The following SMAD9 variants were observed in gnomAD, a reference collection of about 807,000 sequenced individuals.
The protein encoded by SMAD9 is SMAD family member 9.
Under a neutral mutation model 46.1 loss-of-function variants are expected in SMAD9, and 36 were observed. The observed-to-expected ratio is 0.78, with a 90% CI of 0.60 to 1.03. The LOEUF (loss-of-function observed/expected upper bound fraction) is 1.03. Among genes scored for constraint, SMAD9 ranks in the 50% least tolerant of loss-of-function variants. The pLI, the probability that SMAD9 is intolerant of heterozygous loss-of-function variation, is 0.00. For synonymous variants in SMAD9, 245 were observed against 237.1 expected (o/e 1.03, Z -0.31); for missense variants, 572 against 599.8 (o/e 0.95, Z 0.48).
At chr13:36,875,540 CT>C in intron 2 of SMAD9, among the ~76,000 whole-genome samples, 1 of 152,200 alleles carries the variant, frequency 6.6e-6, no homozygotes, top group East Asian at 1.9e-4. Context: ...TTAAATTCCC[CT>C]TAATGTATTC....
rs77266399 is a variant in SMAD9, at chr13:36,895,129, C to T, written c.-186-15254G>A. Among the ~76,000 whole-genome samples the T allele has an allele frequency of 1.5e-3, 225 of 152,270 alleles. 5 individuals carry two copies. The East Asian group carries it at 0.037, about 25-fold the overall frequency. On this transcript the variant is annotated intron_variant, in intron 1 of 6. Transcript: ENST00000379826. ...TCCACCACTCCATCAACCCTAAATC[C>T]TCAAATCTACATCTTCCTCAGTGTT...
At chr13:36,851,086 C>T (rs759969452) in intron 6 of SMAD9, among the ~76,000 whole-genome samples, 6 of 152,132 alleles carry the variant, frequency 3.9e-5, no homozygotes, top group Admixed American at 2.6e-4. Flanking sequence ...GCAGGCAGGG[C>T]GATCCTTTAA....
At position 36,853,439 on chromosome 13, in the gene SMAD9, T is replaced by G. The variant is rs764511955; in HGVS notation, c.1240A>C (p.Ile414Leu). 6.2e-7 allele frequency: 1 copy of G among 1,613,864 alleles called. No homozygotes were observed. The highest frequency in any genetic ancestry group is 1.1e-5 in the South Asian group (1 of 91,074). Reference sequence around the variant, plus strand: ...CTTACCTTAACAAAACTCATCCGGATAGTACACATCTTGGTCAGTTCATAC... The same window carrying G: ...CTTACCTTAACAAAACTCATCCGGAGAGTACACATCTTGGTCAGTTCATAC... ...VVYELTKMCT[I>L]RMSFVKGWGA... The change falls in exon 6 of 7, where the codon ATC becomes CTC. Residue 414 changes from isoleucine to leucine, a missense_variant. Coordinates refer to ENST00000379826, the MANE Select transcript of SMAD9 (RefSeq NM_001127217.3).
chr13:36,893,551 A>C (rs1162936524), intron 1 of SMAD9, among the ~76,000 whole-genome samples: 1 of 151,288 alleles, frequency 6.6e-6, no homozygotes, highest in Admixed American at 6.6e-5. Context: ...CATCGACTAG[A>C]GGATGAATAA....
chr13:36,879,473 G>T lies in SMAD9; in HGVS notation c.217C>A (p.Arg73Ser). 6.2e-7 allele frequency: 1 copy of T among 1,613,816 alleles called. No homozygotes were observed. Among genetic ancestry groups the T allele is most frequent in the Non-Finnish European group, 8.5e-7 (1 of 1,180,012 alleles). ...GQPSKCVTIP[R>S]SLDGRLQVSH... The stretch of plus-strand genomic sequence containing the variant: ...ACCTGCAGCCGCCCGTCCAGGGAGC[G>T]GGGAATCGTGACGCATTTGCTGGGC... Residue 73 changes from arginine to serine, a missense_variant, in exon 2 of 7, where the codon CGC (arginine) becomes AGC (serine). Physicochemically the swap from Arg to Ser is moderately radical, Grantham distance 110. Transcript: ENST00000379826.
intron 2 of SMAD9, among the ~76,000 whole-genome samples, chr13:36,878,198 G>A (rs1267795336): frequency 6.6e-6 from 1 of 152,108 alleles, no homozygotes; most frequent in Non-Finnish European, 1.5e-5. Flanking sequence ...ACACACAGGG[G>A]TGTGAAGGGT....
intron 1 of SMAD9, among the ~76,000 whole-genome samples, chr13:36,913,994 G>A (rs9547698): frequency 0.42 from 63,442 of 151,898 alleles, 14,353 homozygotes; most frequent in Non-Finnish European, 0.5. Flanking sequence ...TAGTTATTTG[G>A]AAACTGGAAT....
intron 1 of SMAD9, among the ~76,000 whole-genome samples, chr13:36,916,131 GCTTTT>G (rs1245431104): frequency 2.0e-5 from 3 of 152,180 alleles, no homozygotes; most frequent in Admixed American, 6.5e-5. Context: ...GTAGCAGTCT[GCTTTT>G]CTTTTGTGAG....
At chr13:36,859,495 G>C (rs1221381589) in intron 5 of SMAD9, among the ~76,000 whole-genome samples, 1 of 152,140 alleles carries the variant, frequency 6.6e-6, no homozygotes, top group Non-Finnish European at 1.5e-5. Flanking sequence ...AAAGAAGCTG[G>C]CCAAAACCAA....
chr13:36,856,204 G>A (rs683558), intron 5 of SMAD9, among the ~76,000 whole-genome samples: 9,837 of 152,212 alleles, frequency 0.065, 631 homozygotes, highest in African/African-American at 0.16. Flanking sequence ...AGGGTGGGCG[G>A]AGGTTTTTTC....
rs957299638 is a variant in SMAD9 at position 36,867,324 on chromosome 13, G to A, written c.730C>T (p.Pro244Ser). ...TEASETQSGQ[P>S]VDATADRHVV... is the part of the protein sequence containing the mutation. ...TGTCTATCAGCTGTGGCATCTACAGGTTGGCCACTCTGGGTCTCAGAGGCT... is the reference window on the plus strand; with the variant it reads ...TGTCTATCAGCTGTGGCATCTACAGATTGGCCACTCTGGGTCTCAGAGGCT... The change falls in exon 4 of 7, where the codon CCT becomes TCT. Residue 244 changes from proline to serine, a missense_variant. By Grantham distance (74) the Pro-to-Ser change is moderately conservative. Transcript: ENST00000379826. 6 of 1,551,180 alleles carry A rather than the reference G, an allele frequency of 3.9e-6. No homozygotes were observed. In the African/African-American group the frequency reaches 6.8e-5, roughly 18 times the overall value.
chr13:36,845,337 C>T lies in SMAD9; in HGVS notation c.*3339G>A, dbSNP rs946805757. 1 of 151,516 alleles carries T rather than the reference C, an allele frequency of 6.6e-6. No homozygotes were observed. The highest frequency in any genetic ancestry group is 1.5e-5 in the Non-Finnish European group (1 of 67,970). The allele number at this position is 151,516 out of a possible 1,614,324, so 9.4% of individuals were successfully genotyped here. ...GAGTGTAAAACAAAACAAAACAAAACATAAGGTATATGTGTTAAGTAGTGA... is the reference window on the plus strand; with the variant it reads ...GAGTGTAAAACAAAACAAAACAAAATATAAGGTATATGTGTTAAGTAGTGA... On this transcript the variant is annotated 3_prime_UTR_variant, in exon 7 of 7. Coordinates refer to ENST00000379826, the MANE Select transcript of SMAD9 (RefSeq NM_001127217.3).
At chr13:36,883,781 A>G (rs1345373441) in intron 1 of SMAD9, among the ~76,000 whole-genome samples, 4 of 152,166 alleles carry the variant, frequency 2.6e-5, no homozygotes, top group Non-Finnish European at 5.9e-5. Flanking sequence ...AAAAATAAAA[A>G]TATAAACTGT....
At position 36,872,841 on chromosome 13, in the gene SMAD9, C is replaced by A; in HGVS notation, c.487G>T (p.Ala163Ser). The A allele has an allele frequency of 6.2e-7, 1 of 1,613,996 alleles. No homozygotes were observed. ...QLSLLAKFRS[A>S]SLHSEPLMPH... ...ATGAGTGGCTCACTGTGCAGGGAGG[C>A]GCTGCGGAACTTGGCCAGGAGGCTG... The change falls in exon 3 of 7, where the codon GCC becomes TCC. Residue 163 changes from alanine to serine, a missense_variant. Coordinates refer to ENST00000379826, the MANE Select transcript of SMAD9 (RefSeq NM_001127217.3).
chr13:36,879,444 G>T lies in SMAD9; in HGVS notation c.246C>A (p.Ser82=). 2 of 1,613,758 alleles carry T rather than the reference G, an allele frequency of 1.2e-6. No homozygotes were observed. The highest frequency in any genetic ancestry group is 1.7e-6 in the Non-Finnish European group (2 of 1,180,032). The change falls in exon 2 of 7, where the codon TCC becomes TCA. Residue 82 remains serine, a synonymous_variant. Transcript: ENST00000379826. ...PRSLDGRLQV[S]HRKGLPHVIY... ...TCACATGGGGCAGGCCCTTGCGGTGGGACACCTGCAGCCGCCCGTCCAGGG... is the reference window on the plus strand; with the variant it reads ...TCACATGGGGCAGGCCCTTGCGGTGTGACACCTGCAGCCGCCCGTCCAGGG...
At position 36,847,865 on chromosome 13, in the gene SMAD9, C is replaced by G. The variant is rs1209181139; in HGVS notation, c.*811G>C. 6.6e-6 allele frequency: 1 copy of G among 152,260 alleles called. No individual in the cohort carries two copies. Among genetic ancestry groups the G allele is most frequent in the Non-Finnish European group, 1.5e-5 (1 of 68,062 alleles). The allele number at this position is 152,260 out of a possible 1,614,324, so 9.4% of individuals were successfully genotyped here. On this transcript the variant is annotated 3_prime_UTR_variant, in exon 7 of 7. Coordinates refer to ENST00000379826, the MANE Select transcript of SMAD9 (RefSeq NM_001127217.3). ...TGCAGGACTGCCTGACACGAACAAC[C>G]AGCACGACAGGAACCTGGTCTCCTC...
At chr13:36,912,462 T>C (rs372483879) in intron 1 of SMAD9, among the ~76,000 whole-genome samples, 1 of 152,150 alleles carries the variant, frequency 6.6e-6, no homozygotes, top group Non-Finnish European at 1.5e-5. Context: ...CATATTATTA[T>C]CAGGCAAGTA....
At chr13:36,850,362 G>C (rs2058064604) in intron 6 of SMAD9, among the ~76,000 whole-genome samples, 1 of 152,010 alleles carries the variant, frequency 6.6e-6, no homozygotes. Flanking sequence ...CTCAGTCCTA[G>C]AGCCCCCTTT....
rs511674 is a variant in SMAD9 at position 36,848,378 on chromosome 13, T to C, written c.*298A>G. The C allele has an allele frequency of 0.051, 19,808 of 391,636 alleles. 1,104 individuals are homozygous for C. The highest frequency in any genetic ancestry group is 0.16 in the African/African-American group (7,639 of 48,946). The allele number at this position is 391,636 out of a possible 1,614,324, so 24.3% of individuals were successfully genotyped here. The stretch of plus-strand genomic sequence containing the variant: ...ATAATGACACGGCTGACTAAAGCTG[T>C]CTTTTATTCTGCTAACACCCTTCAA... On this transcript the variant is annotated 3_prime_UTR_variant, in exon 7 of 7. Transcript: ENST00000379826.
Sources: gnomAD v4.1 joint callset for allele counts (sites outside exome capture counted in the v4.1 genomes callset) on GRCh38, gnomAD v4.1.1 for gene constraint, MANE v1.5 for transcripts, NCBI Gene and HGNC (gene_info 2026-07-23, HGNC 2026-07-21) for gene names.